The following BICD1 variants were observed in gnomAD, a reference collection of about 807,000 sequenced individuals.
BICD1 encodes the protein protein bicaudal D homolog 1.
Under a neutral mutation model 92.5 loss-of-function variants are expected in BICD1, and 35 were observed. The ratio of observed to expected loss-of-function variants is 0.38; its 90% CI spans 0.29 to 0.50. The LOEUF (loss-of-function observed/expected upper bound fraction) is 0.50, where lower values mean the gene tolerates loss of function less well. Ranked by LOEUF, BICD1 falls within the 20% of genes least tolerant of loss-of-function variation. BICD1 has a pLI of 0.93. For synonymous variants in BICD1, 429 were observed against 465.1 expected (o/e 0.92, Z 1.00); for missense variants, 950 against 1,189.8 (o/e 0.80, Z 2.97).
At chr12:32,262,848 A>G (rs903344013) in intron 2 of BICD1, among the ~76,000 whole-genome samples, 1 of 152,166 alleles carries the variant, frequency 6.6e-6, no homozygotes, top group African/African-American at 2.4e-5. Context: ...CTGCTGTTTA[A>G]ACCACCAAAT....
rs1943043149 is a variant in BICD1, at chr12:32,144,433, G to T, written c.213+36889G>T. 2.6e-5 allele frequency among the ~76,000 whole-genome samples: 4 copies of T among 152,262 alleles called. No individual in the cohort carries two copies. The South Asian group carries it at 8.3e-4, about 32-fold the overall frequency. On this transcript the variant is annotated intron_variant, in intron 1 of 9. Coordinates refer to ENST00000652176, the MANE Select transcript of BICD1 (RefSeq NM_001714.4). ...TTTTCTGCTCATGAAAAATGTTTCT[G>T]CTTAAATTGTAATGAGTGTACAAGA...
chr12:32,203,036 CA>C, intron 1 of BICD1, among the ~76,000 whole-genome samples: 1 of 151,254 alleles, frequency 6.6e-6, no homozygotes, highest in Admixed American at 6.6e-5. Context: ...AGCCTAGAAA[CA>C]GAAACACTCA....
chr12:32,292,010 C>T (rs1947739058), intron 2 of BICD1, among the ~76,000 whole-genome samples: 1 of 152,180 alleles, frequency 6.6e-6, no homozygotes, highest in Non-Finnish European at 1.5e-5. Flanking sequence ...AGTGCATTTA[C>T]TTCTGTCACT....
intron 2 of BICD1, among the ~76,000 whole-genome samples, chr12:32,220,320 G>A (rs1393192678): frequency 6.6e-6 from 1 of 152,124 alleles, no homozygotes; most frequent in Non-Finnish European, 1.5e-5. Context: ...TACAAAATGG[G>A]AGAAAATTTT....
intron 2 of BICD1, among the ~76,000 whole-genome samples, chr12:32,276,029 T>C (rs887497307): frequency 3.9e-5 from 6 of 152,036 alleles, no homozygotes; most frequent in African/African-American, 1.4e-4. Context: ...TTTTGGGAGC[T>C]CTGTGAGCAA....
intron 2 of BICD1, among the ~76,000 whole-genome samples, chr12:32,277,654 C>A (rs1947311898): frequency 6.6e-6 from 1 of 152,302 alleles, no homozygotes; most frequent in South Asian, 2.1e-4. Flanking sequence ...CTGCTATACA[C>A]ACATACCCAA....
chr12:32,372,706 C>T (rs1939784123), intron 9 of BICD1, among the ~76,000 whole-genome samples: 1 of 151,914 alleles, frequency 6.6e-6, no homozygotes, highest in Non-Finnish European at 1.5e-5. Context: ...TGGTGAAACC[C>T]TGTCCTTTAA....
At chr12:32,338,689 C>A in intron 7 of BICD1, 97 bp from the exon 8 acceptor site, 4 of 989,086 alleles carry the variant, frequency 4.0e-6, no homozygotes, top group South Asian at 1.7e-5. Context: ...AAATTAAATG[C>A]CAGTATAAAT....
At chr12:32,288,350 GC>G (rs1371537813) in intron 2 of BICD1, among the ~76,000 whole-genome samples, 1 of 149,720 alleles carries the variant, frequency 6.7e-6, no homozygotes, top group Non-Finnish European at 1.5e-5. Context: ...TCCCACTTCA[GC>G]CCCCTGACTA....
At chr12:32,134,486 T>TA (rs780734251) in intron 1 of BICD1, among the ~76,000 whole-genome samples, 1 of 152,208 alleles carries the variant, frequency 6.6e-6, no homozygotes, top group East Asian at 1.9e-4. Flanking sequence ...CAACTTAATA[T>TA]AAAAAAAGAC....
chr12:32,112,787 C>T lies in BICD1; in HGVS notation c.213+5243C>T, dbSNP rs112099292. Among the ~76,000 whole-genome samples, 412 of 152,272 alleles carry T rather than the reference C, an allele frequency of 2.7e-3. 3 individuals are homozygous for T. The highest frequency in any genetic ancestry group is 9.4e-3 in the African/African-American group (391 of 41,558). ...AAATGAAACAGTCACTGTGTTTAAT[C>T]TCACCAGTCTTCAAAACAATTCAGA... On this transcript the variant is annotated intron_variant, in intron 1 of 9. Coordinates refer to ENST00000652176, the MANE Select transcript of BICD1 (RefSeq NM_001714.4).
At chr12:32,196,426 A>G (rs141388750) in intron 1 of BICD1, among the ~76,000 whole-genome samples, 1 of 152,360 alleles carries the variant, frequency 6.6e-6, no homozygotes, top group East Asian at 1.9e-4. Flanking sequence ...TGTGGTGTGT[A>G]TACACAATGG....
chr12:32,349,767 G>C (rs577983094), intron 8 of BICD1, among the ~76,000 whole-genome samples: 2 of 152,136 alleles, frequency 1.3e-5, no homozygotes, highest in Admixed American at 1.3e-4. Flanking sequence ...ATGATTTAAA[G>C]TGACTGTGTG....
intron 8 of BICD1, among the ~76,000 whole-genome samples, chr12:32,350,732 C>T (rs1169297983): frequency 6.6e-6 from 1 of 152,076 alleles, no homozygotes; most frequent in Non-Finnish European, 1.5e-5. Context: ...CTGGCAGTTT[C>T]CCCAGTGTAT....
intron 1 of BICD1, among the ~76,000 whole-genome samples, chr12:32,118,465 G>A (rs982995159): frequency 6.6e-5 from 10 of 152,082 alleles, no homozygotes; most frequent in African/African-American, 9.7e-5. Flanking sequence ...TGCATCCTTG[G>A]ATTGAAAATA....
At chr12:32,201,142 T>G (rs1209232270) in intron 1 of BICD1, among the ~76,000 whole-genome samples, 1 of 152,220 alleles carries the variant, frequency 6.6e-6, no homozygotes, top group East Asian at 1.9e-4. Flanking sequence ...ATAACTTTTT[T>G]CCTGAAAGAA....
chr12:32,133,170 A>G (rs946480143), intron 1 of BICD1, among the ~76,000 whole-genome samples: 29 of 152,114 alleles, frequency 1.9e-4, no homozygotes, highest in African/African-American at 6.5e-4. Context: ...CAATATTGAT[A>G]CTTTGTCTGA....
rs1338307248 is a variant in BICD1, at chr12:32,107,053, C to T, written c.-279C>T. On this transcript the variant is annotated 5_prime_UTR_variant, in exon 1 of 10. Coordinates refer to ENST00000652176, the MANE Select transcript of BICD1 (RefSeq NM_001714.4). ...CGGGCCATGCCGCACGGCTGCTGAC[C>T]GCACGCAGGGGCCGGCCCCGAGGAC... The T allele has an allele frequency of 4.8e-6, 2 of 414,472 alleles. No individual in the cohort carries two copies. The highest frequency in any genetic ancestry group is 8.8e-6 in the Non-Finnish European group (2 of 228,040). The allele number at this position is 414,472 out of a possible 1,614,324, so 25.7% of individuals were successfully genotyped here.
chr12:32,364,539 G>T (rs1162404111), intron 8 of BICD1, among the ~76,000 whole-genome samples: 2 of 152,192 alleles, frequency 1.3e-5, no homozygotes, highest in Non-Finnish European at 2.9e-5. Flanking sequence ...TCAGAGCAAT[G>T]TAGCTACATT....
Sources: allele counts gnomAD v4.1 joint callset (sites outside exome capture counted in the v4.1 genomes callset), GRCh38; gene constraint gnomAD v4.1.1; transcripts MANE v1.5; gene names NCBI Gene and HGNC (gene_info 2026-07-23, HGNC 2026-07-21).